WWOX: variants seen among roughly 807,000 people sequenced by gnomAD.
WWOX encodes WW domain containing oxidoreductase.
Under a neutral mutation model 46.2 loss-of-function variants are expected in WWOX, and 69 were observed. The observed-to-expected ratio is 1.49, with a 90% CI of 1.23 to 1.82. The LOEUF (loss-of-function observed/expected upper bound fraction) is 1.82. Ranked by LOEUF, WWOX falls within the 40% of genes most tolerant of loss-of-function variation. The probability of loss-of-function intolerance (pLI) is 0.00; values close to 1 mark genes in which losing one functional copy is unlikely to be tolerated. For synonymous variants in WWOX, 359 were observed against 202.6 expected (o/e 1.77, Z -6.56); for missense variants, 919 against 542.6 (o/e 1.69, Z -6.89).
chr16:78,975,341 G>A (rs772959977), intron 8 of WWOX, among the ~76,000 whole-genome samples: 4 of 152,120 alleles, frequency 2.6e-5, no homozygotes, highest in African/African-American at 7.2e-5. Flanking sequence ...GGTAGAGGCC[G>A]GGGATAGTGG....
chr16:78,178,800 G>A (rs578035220), intron 5 of WWOX, among the ~76,000 whole-genome samples: 1 of 151,120 alleles, frequency 6.6e-6, no homozygotes. Flanking sequence ...GGAGGCAGAG[G>A]TTGCAGTGAG....
intron 8 of WWOX, among the ~76,000 whole-genome samples, chr16:78,812,185 C>T (rs1411889033): frequency 1.3e-5 from 2 of 151,964 alleles, no homozygotes; most frequent in East Asian, 3.9e-4. Flanking sequence ...TAACTTGGCA[C>T]TGTATCTGCC....
intron 8 of WWOX, among the ~76,000 whole-genome samples, chr16:79,170,289 G>T (rs1474645610): frequency 6.6e-6 from 1 of 152,124 alleles, no homozygotes; most frequent in Non-Finnish European, 1.5e-5. Flanking sequence ...ATTTATAGTT[G>T]AGGAAATAGA....
chr16:78,443,427 C>T (rs183785202), intron 8 of WWOX, among the ~76,000 whole-genome samples: 2 of 152,192 alleles, frequency 1.3e-5, no homozygotes, highest in Admixed American at 1.3e-4. Context: ...CTCCAGTTGC[C>T]TGTTTTACTG....
Position 78,893,983 on chromosome 16 carries a change from C to T in WWOX, c.1057-317625C>T, listed in dbSNP as rs961653189. 4.0e-5 allele frequency among the ~76,000 whole-genome samples: 6 copies of T among 150,584 alleles called. 1 individual carries two copies. The highest frequency in any genetic ancestry group is 4.0e-4 in the Admixed American group (6 of 15,080). ...TGTGATGTATTTGAGTACCAGGTAT[C>T]CCTGATTACCATAGAGTAATGTCTT... On this transcript the variant is annotated intron_variant, in intron 8 of 8. Transcript: ENST00000566780.
intron 8 of WWOX, among the ~76,000 whole-genome samples, chr16:78,877,481 C>A (rs1232249398): frequency 6.6e-6 from 1 of 152,228 alleles, no homozygotes; most frequent in African/African-American, 2.4e-5. Flanking sequence ...CTGACACTTT[C>A]TCAGTGAAGC....
rs115889517 is a variant in WWOX, at chr16:78,577,495, A to G, written c.1056+144743A>G. Among the ~76,000 whole-genome samples, 1,134 of 152,322 alleles carry G rather than the reference A, an allele frequency of 7.4e-3. 18 individuals are homozygous for G. Among genetic ancestry groups the G allele is most frequent in the African/African-American group, 0.027 (1,102 of 41,564 alleles). ...CTTGAATTCACCAGGAAGGAAGTTC[A>G]TGCAGCCCTGGGTATGATGCCCTAA... On this transcript the variant is annotated intron_variant, in intron 8 of 8. Transcript: ENST00000566780.
At chr16:78,475,204 T>G (rs1245479405) in intron 8 of WWOX, among the ~76,000 whole-genome samples, 1 of 152,202 alleles carries the variant, frequency 6.6e-6, no homozygotes, top group Non-Finnish European at 1.5e-5. Context: ...TTAGAAATCA[T>G]AATGTGGACA....
intron 8 of WWOX, among the ~76,000 whole-genome samples, chr16:79,001,615 C>G (rs2047093904): frequency 6.6e-6 from 1 of 151,166 alleles, no homozygotes; most frequent in African/African-American, 2.4e-5. Flanking sequence ...CAATAAATCA[C>G]TTATGTAATA....
At chr16:78,374,527 ATTTTTTTTTTTTTTTTTTTTTTT>A (rs541225697) in intron 5 of WWOX, among the ~76,000 whole-genome samples, 5 of 70,902 alleles carry the variant, frequency 7.1e-5, no homozygotes, top group African/African-American at 1.9e-4. Context: ...TCTGTCTTGA[ATTTTTTTTTTTTTTTTTTTTTTT>A]TTTTTTTTTT....
At chr16:78,610,864 G>A (rs181861766) in intron 8 of WWOX, among the ~76,000 whole-genome samples, 1 of 152,180 alleles carries the variant, frequency 6.6e-6, no homozygotes, top group Non-Finnish European at 1.5e-5. Context: ...GCATTAAGTA[G>A]AACAACGTAT....
intron 8 of WWOX, chr16:78,506,575 G>A (rs2085210317): frequency 6.6e-6 from 1 of 152,046 alleles, no homozygotes; most frequent in Non-Finnish European, 1.5e-5. Flanking sequence ...CCCCTAAGTG[G>A]GAAGAGCTTT....
chr16:79,186,563 CTG>C (rs1256106330), intron 8 of WWOX, among the ~76,000 whole-genome samples: 2 of 152,180 alleles, frequency 1.3e-5, no homozygotes, highest in East Asian at 1.9e-4. Flanking sequence ...CTGTTTAACT[CTG>C]TATTCCAATC....
chr16:79,089,939 G>C (rs2048923789), intron 8 of WWOX: 1 of 147,384 alleles, frequency 6.8e-6, no homozygotes, highest in Non-Finnish European at 1.5e-5. Context: ...AAACCCAAGA[G>C]AAACCGAAAG....
chr16:78,522,727 C>G (rs1314961982), intron 8 of WWOX, among the ~76,000 whole-genome samples: 1 of 152,212 alleles, frequency 6.6e-6, no homozygotes, highest in Non-Finnish European at 1.5e-5. Context: ...CAGAGGAGCT[C>G]TGATGAGACT....
intron 5 of WWOX, among the ~76,000 whole-genome samples, chr16:78,362,286 A>C (rs943383149): frequency 6.6e-6 from 1 of 152,102 alleles, no homozygotes; most frequent in Non-Finnish European, 1.5e-5. Context: ...AGACACAGCA[A>C]GGTGATGATG....
intron 8 of WWOX, among the ~76,000 whole-genome samples, chr16:78,943,824 A>G (rs1021491752): frequency 6.6e-6 from 1 of 152,152 alleles, no homozygotes; most frequent in Non-Finnish European, 1.5e-5. Flanking sequence ...TTGGTGGACT[A>G]AATGGCTCCC....
chr16:79,204,555 C>G (rs80342186), intron 8 of WWOX: 8,986 of 152,170 alleles, frequency 0.059, 393 homozygotes, highest in East Asian at 0.23. Flanking sequence ...TTTGGAACAT[C>G]GATGGCAAGA....
At chr16:79,129,443 A>T (rs1020119060) in intron 8 of WWOX, among the ~76,000 whole-genome samples, 13 of 150,154 alleles carry the variant, frequency 8.7e-5, no homozygotes, top group African/African-American at 2.7e-4. Flanking sequence ...ACCACTTAAA[A>T]TGTGTAAAAA....
Sources: allele counts gnomAD v4.1 joint callset (sites outside exome capture counted in the v4.1 genomes callset), GRCh38; gene constraint gnomAD v4.1.1; transcripts MANE v1.5; gene names NCBI Gene and HGNC (gene_info 2026-07-23, HGNC 2026-07-21).